MAGEC1: variants seen among roughly 807,000 people sequenced by gnomAD.
MAGEC1 encodes the protein melanoma-associated antigen C1.
In MAGEC1, 3 loss-of-function variants were observed where a neutral mutation model predicts 1.5. That is an observed-to-expected ratio of 1.97 (90% CI 0.90 to 5.10). The LOEUF is 5.10. Among genes scored for constraint, MAGEC1 ranks in the 30% most tolerant of loss-of-function variants. The pLI, the probability that MAGEC1 is intolerant of heterozygous loss-of-function variation, is 0.02. For synonymous variants in MAGEC1, 357 were observed against 310.4 expected, an observed-to-expected ratio of 1.15 and a Z score of -1.58; for missense variants, 985 against 803.1, an observed-to-expected ratio of 1.23 and a Z score of -2.74.
chrX:141,907,279 C>G lies in MAGEC1; in HGVS notation c.1875C>G (p.Leu625=), dbSNP rs752261766. 2.2e-4 allele frequency: 271 copies of G among 1,208,525 alleles called. 1 individual carries two copies. The South Asian group carries it at 4.4e-3, about 20-fold the overall frequency. The stretch of plus-strand genomic sequence containing the variant: ...AGGGGGAGGAATTCCAGTCTTCTCT[C>G]CAGAGCCCTGTGAGCATCTGCTCCT... ...PLQGEEFQSS[L]QSPVSICSSS... The change falls in exon 4 of 4, where the codon CTC becomes CTG. Residue 625 remains leucine (L), a synonymous_variant. Transcript: ENST00000285879.
In MAGEC1 at chrX:141,906,596, A is replaced by G; in HGVS notation, c.1192A>G (p.Ser398Gly). ...LFQSSPERTHSTFEGFPQSPL... is the reference protein window; with the variant it reads ...LFQSSPERTHGTFEGFPQSPL... ...CCAGAGTTCCCCTGAGAGAACTCAC[A>G]GTACTTTTGAGGGTTTTCCCCAGTC... The change falls in exon 4 of 4, where the codon AGT becomes GGT. Residue 398 changes from serine to glycine, a missense_variant. By Grantham distance (56) the Ser-to-Gly change is moderately conservative (BLOSUM62 0). Transcript: ENST00000285879. 8.4e-7 allele frequency: 1 copy of G among 1,196,894 alleles called. No individual in the cohort carries two copies. Among genetic ancestry groups the G allele is most frequent in the Non-Finnish European group, 1.1e-6 (1 of 887,414 alleles).
At position 141,906,050 on chromosome X, in the gene MAGEC1, A is replaced by G; in HGVS notation, c.646A>G (p.Ser216Gly). The stretch of plus-strand genomic sequence containing the variant: ...CTCCACTTTATTGAGTATTTTCCAG[A>G]GTTCCCCTGAGAGAACTCAGAGTAC... Reference protein sequence around the residue: ...FSSTLLSIFQSSPERTQSTFE... With the variant: ...FSSTLLSIFQGSPERTQSTFE... Residue 216 changes from serine to glycine, a missense_variant, in exon 4 of 4, where the codon AGT becomes GGT. Physicochemically the swap from Ser to Gly is moderately conservative, Grantham distance 56. Coordinates refer to ENST00000285879, the MANE Select transcript of MAGEC1 (RefSeq NM_005462.5). 8.6e-7 allele frequency: 1 copy of G among 1,165,904 alleles called. No homozygotes were observed.
chrX:141,907,961 A>T lies in MAGEC1; in HGVS notation c.2557A>T (p.Ser853Cys), dbSNP rs139093022. 4.5e-4 allele frequency: 546 copies of T among 1,209,668 alleles called. 4 individuals are homozygous for T. In the African/African-American group the frequency reaches 8.8e-3, roughly 20 times the overall value. Residue 853 changes from serine to cysteine, a missense_variant, in exon 4 of 4, where the codon AGT becomes TGT. Physicochemically the swap from Ser to Cys is moderately radical, Grantham distance 112. Transcript: ENST00000285879. The part of the protein sequence containing the change: ...SKSSPESPLQ[S>C]PVISFSSSTS... ...GAGTTCCCCTGAGAGTCCTCTCCAGAGTCCTGTGATCTCCTTCTCCTCCTC... is the reference window on the plus strand; with the variant it reads ...GAGTTCCCCTGAGAGTCCTCTCCAGTGTCCTGTGATCTCCTTCTCCTCCTC...
In MAGEC1 at chrX:141,905,409, G is replaced by A; in HGVS notation, c.5G>A (p.Gly2Glu). 1 of 1,205,060 alleles carries A rather than the reference G, an allele frequency of 8.3e-7. No homozygotes were observed. Among genetic ancestry groups the A allele is most frequent in the South Asian group, 1.8e-5 (1 of 56,181 alleles). The change falls in exon 4 of 4, where the codon GGG becomes GAG. Residue 2 changes from glycine (G) to glutamate (E), a missense_variant and splice_region_variant. By Grantham distance (98) the Gly-to-Glu change is moderately conservative (BLOSUM62 -2). Transcript: ENST00000285879. ...TCCTCTCTGCTTCTGCGTTCTCCAG[G>A]GGACAAGGATATGCCTACTGCTGGG... M[G>E]DKDMPTAGMP...
At position 141,905,859 on chromosome X, in the gene MAGEC1, AAAGT is replaced by A; in HGVS notation, c.456_459del (p.Gln152HisfsTer15). 5.8e-6 allele frequency: 7 copies of A among 1,202,317 alleles called. No individual in the cohort carries two copies. The highest frequency in any genetic ancestry group is 3.6e-5 in the South Asian group (2 of 55,922). On this transcript the variant is annotated frameshift_variant, in exon 4 of 4. Coordinates refer to ENST00000285879, the MANE Select transcript of MAGEC1 (RefSeq NM_005462.5). LOFTEE classifies it low-confidence loss of function (END_TRUNC). Reference sequence around the variant, plus strand: ...TTCCAGAGTTCCCCTGAGAGTACTCAAAGTCCTTTTGAGGGTTTTCCCCAGTCTG... The same window carrying A: ...TTCCAGAGTTCCCCTGAGAGTACTCACCTTTTGAGGGTTTTCCCCAGTCTG...
At position 141,906,399 on chromosome X, in the gene MAGEC1, G is replaced by T. The variant is rs1419123942; in HGVS notation, c.995G>T (p.Gly332Val). The change falls in exon 4 of 4, where the codon GGT becomes GTT. Residue 332 changes from glycine (G) to valine (V), a missense_variant. Gly to Val is a moderately radical substitution (Grantham distance 109). Coordinates refer to ENST00000285879, the MANE Select transcript of MAGEC1 (RefSeq NM_005462.5). The stretch of plus-strand genomic sequence containing the variant: ...GAGAGAACTCACAGTACTTTTGAGG[G>T]TTTTCCCCAGTCTCTTCTCCAGATT... ...SPERTHSTFE[G>V]FPQSLLQIPM... 1.6e-5 allele frequency: 19 copies of T among 1,189,323 alleles called. No individual in the cohort carries two copies. The highest frequency in any genetic ancestry group is 2.0e-5 in the Non-Finnish European group (18 of 878,436).
At position 141,907,856 on chromosome X, in the gene MAGEC1, CCCT is replaced by C; in HGVS notation, c.2458_2460del (p.Ser820del). The C allele has an allele frequency of 8.3e-7, 1 of 1,210,800 alleles. No individual in the cohort carries two copies. Among genetic ancestry groups the C allele is most frequent in the East Asian group, 3.0e-5 (1 of 33,751 alleles). On this transcript the variant is annotated inframe_deletion, in exon 4 of 4. Transcript: ENST00000285879. Reference sequence around the variant, plus strand: ...TCTCCAGAGTCCTGTGAGCTCCTTCCCCTCCTCCACTTCATCGAGTCTTTCCCA... The same window carrying C: ...TCTCCAGAGTCCTGTGAGCTCCTTCCCCTCCACTTCATCGAGTCTTTCCCA...
rs748035286 is a variant in MAGEC1 at position 141,908,677 on chromosome X, A to G, written c.3273A>G (p.Leu1091=). ...AAGTAGTAGAGTTTTTGGCCATGCT[A>G]AAGAATACCGTCCCTATTACCTTTC... is the stretch of plus-strand genomic sequence containing the variant. The part of the protein sequence containing the change: ...KRKVVEFLAM[L]KNTVPITFPS... The change falls in exon 4 of 4, where the codon CTA becomes CTG. Residue 1091 remains leucine, a synonymous_variant. Coordinates refer to ENST00000285879, the MANE Select transcript of MAGEC1 (RefSeq NM_005462.5). The G allele has an allele frequency of 8.3e-7, 1 of 1,211,812 alleles. No individual in the cohort carries two copies. The highest frequency in any genetic ancestry group is 2.2e-5 in the Admixed American group (1 of 46,058).
chrX:141,904,540 T>G (rs5907192), intron 1 of MAGEC1, among the ~76,000 whole-genome samples, 177 bp from the exon 2 acceptor site: 27,716 of 110,292 alleles, frequency 0.25, 3,146 homozygotes, highest in African/African-American at 0.44. Context: ...TGTGGAGTTT[T>G]CCTGAGGTTT....
chrX:141,907,227 C>T lies in MAGEC1; in HGVS notation c.1823C>T (p.Pro608Leu). ...CCTCAGGGGGAGGACTCCATGTCTC[C>T]TCTCTACTTTCCTCAGAGTCCTCTT... is the stretch of plus-strand genomic sequence containing the variant. ...SPPQGEDSMS[P>L]LYFPQSPLQG... Residue 608 changes from proline to leucine, a missense_variant, in exon 4 of 4, where the codon CCT becomes CTT. By Grantham distance (98) the Pro-to-Leu change is moderately conservative. Coordinates refer to ENST00000285879, the MANE Select transcript of MAGEC1 (RefSeq NM_005462.5). The T allele has an allele frequency of 4.1e-6, 5 of 1,211,432 alleles. No homozygotes were observed. Among genetic ancestry groups the T allele is most frequent in the East Asian group, 3.0e-5 (1 of 33,756 alleles).
Position 141,907,591 on chromosome X carries a change from T to G in MAGEC1, c.2187T>G (p.Phe729Leu). 1 of 1,200,645 alleles carries G rather than the reference T, an allele frequency of 8.3e-7. No individual in the cohort carries two copies. The highest frequency in any genetic ancestry group is 1.1e-6 in the Non-Finnish European group (1 of 890,559). ...TCTCTCCTCTCCACTTTCCTCAGTT[T>G]CCTCCTCAGGGGGAGGACTTCCAGT... is the stretch of plus-strand genomic sequence containing the variant. ...DSLSPLHFPQ[F>L]PPQGEDFQSS... The change falls in exon 4 of 4, where the codon TTT becomes TTG. Residue 729 changes from phenylalanine to leucine, a missense_variant. Coordinates refer to ENST00000285879, the MANE Select transcript of MAGEC1 (RefSeq NM_005462.5).
chrX:141,907,728 T>C lies in MAGEC1; in HGVS notation c.2324T>C (p.Leu775Pro). The C allele has an allele frequency of 8.3e-7, 1 of 1,210,574 alleles. No individual in the cohort carries two copies. The highest frequency in any genetic ancestry group is 1.1e-6 in the Non-Finnish European group (1 of 895,191). The change falls in exon 4 of 4, where the codon CTC (leucine) becomes CCC (proline). Residue 775 changes from leucine (L) to proline (P), a missense_variant. Coordinates refer to ENST00000285879, the MANE Select transcript of MAGEC1 (RefSeq NM_005462.5). ...CCTGAGGGGCCTGCTCAGTCTCCTCTCCAGAGACCTGTCAGCTCCTTCTTC... is the reference window on the plus strand; with the variant it reads ...CCTGAGGGGCCTGCTCAGTCTCCTCCCCAGAGACCTGTCAGCTCCTTCTTC... ...SPPEGPAQSP[L>P]QRPVSSFFSY... is the part of the protein sequence containing the mutation.
Position 141,906,250 on chromosome X carries a change from TCTTTTCC to T in MAGEC1, c.847_853del (p.Leu283ArgfsTer23), listed in dbSNP as rs746801122. ...CCTCCTTCTCCTCCACTTTAGTGAG[TCTTTTCC>T]AGAGTTCCCCTGAGAGAACTCAGAG... On this transcript the variant is annotated frameshift_variant, in exon 4 of 4. Coordinates refer to ENST00000285879, the MANE Select transcript of MAGEC1 (RefSeq NM_005462.5). LOFTEE classifies it low-confidence loss of function (END_TRUNC). The T allele has an allele frequency of 9.4e-5, 101 of 1,077,311 alleles. 2 individuals are homozygous for T. The highest frequency in any genetic ancestry group is 3.2e-4 in the African/African-American group (16 of 49,893). 88.8% of individuals were successfully genotyped at this position (1,077,311 alleles called of 1,213,427 possible). A position where few individuals can be genotyped will look rare whatever the true frequency, so the allele number is the denominator to read the frequency against.
Position 141,905,409 on chromosome X carries a change from G to C in MAGEC1, c.5G>C (p.Gly2Ala). The change falls in exon 4 of 4, where the codon GGG (glycine) becomes GCG (alanine). Residue 2 changes from glycine (G) to alanine (A), a missense_variant and splice_region_variant. Physicochemically the swap from Gly to Ala is moderately conservative, Grantham distance 60. Transcript: ENST00000285879. The stretch of plus-strand genomic sequence containing the variant: ...TCCTCTCTGCTTCTGCGTTCTCCAG[G>C]GGACAAGGATATGCCTACTGCTGGG... Reference protein sequence around the residue: MGDKDMPTAGMP... With the variant: MADKDMPTAGMP... 8.3e-7 allele frequency: 1 copy of C among 1,205,060 alleles called. No homozygotes were observed. The highest frequency in any genetic ancestry group is 1.7e-5 in the African/African-American group (1 of 57,576).
rs911083970 is a variant in MAGEC1, at chrX:141,906,685, T to A, written c.1281T>A (p.Ser427=). The change falls in exon 4 of 4, where the codon TCT becomes TCA. Residue 427 remains serine, a synonymous_variant. Coordinates refer to ENST00000285879, the MANE Select transcript of MAGEC1 (RefSeq NM_005462.5). ...SSTLLSILQS[S]PESAQSAFEG... ...CTTTATTGAGTATTTTACAGAGTTC[T>A]CCTGAGAGTGCTCAAAGTGCTTTTG... The A allele has an allele frequency of 3.3e-6, 4 of 1,199,876 alleles. No homozygotes were observed.
chrX:141,904,245 T>C (rs2018162607), intron 1 of MAGEC1, among the ~76,000 whole-genome samples: 1 of 111,276 alleles, frequency 9.0e-6, no homozygotes, highest in South Asian at 3.8e-4. Flanking sequence ...TCAGCCCCCA[T>C]AGAGCTCCCC....
In MAGEC1 at chrX:141,906,448, T is replaced by C. The variant is rs57133902; in HGVS notation, c.1044T>C (p.Ser348=). Reference sequence around the variant, plus strand: ...TTCCTATGACCTCCTCCTTCTCCTCTACTTTATTGAGTATTTTCCAGAGTT... The same window carrying C: ...TTCCTATGACCTCCTCCTTCTCCTCCACTTTATTGAGTATTTTCCAGAGTT... ...LQIPMTSSFS[S]TLLSIFQSSP... is the part of the protein sequence containing the mutation. Residue 348 remains serine, a synonymous_variant, in exon 4 of 4, where the codon TCT becomes TCC. Transcript: ENST00000285879. 7.2e-5 allele frequency: 86 copies of C among 1,188,365 alleles called. No individual in the cohort carries two copies. Among genetic ancestry groups the C allele is most frequent in the South Asian group, 4.2e-4 (23 of 55,317 alleles).
In MAGEC1 at chrX:141,908,876, C is replaced by T. The variant is rs770980685; in HGVS notation, c.*43C>T. On this transcript the variant is annotated 3_prime_UTR_variant, in exon 4 of 4. Coordinates refer to ENST00000285879, the MANE Select transcript of MAGEC1 (RefSeq NM_005462.5). ...TCCCTCTGAGTTTGAAGGGGGCAGT[C>T]GAGTTTCTACGTGGTGGAGGGCCTG... 20 of 1,085,114 alleles carry T rather than the reference C, an allele frequency of 1.8e-5. No homozygotes were observed. Among genetic ancestry groups the T allele is most frequent in the African/African-American group, 9.3e-5 (5 of 53,759 alleles). 89.4% of individuals were successfully genotyped at this position (1,085,114 alleles called of 1,213,427 possible).
chrX:141,908,696 A>G lies in MAGEC1; in HGVS notation c.3292A>G (p.Thr1098Ala). 1 of 1,211,602 alleles carries G rather than the reference A, an allele frequency of 8.3e-7. No individual in the cohort carries two copies. Among genetic ancestry groups the G allele is most frequent in the African/African-American group, 1.7e-5 (1 of 57,775 alleles). ...CATGCTAAAGAATACCGTCCCTATT[A>G]CCTTTCCATCCTCTTACAAGGATGC... ...LAMLKNTVPI[T>A]FPSSYKDALK... The change falls in exon 4 of 4, where the codon ACC becomes GCC. Residue 1098 changes from threonine to alanine, a missense_variant. Physicochemically the swap from Thr to Ala is moderately conservative, Grantham distance 58. Transcript: ENST00000285879.
Sources: allele counts gnomAD v4.1 joint callset (sites outside exome capture counted in the v4.1 genomes callset), GRCh38; gene constraint gnomAD v4.1.1; transcripts MANE v1.5; gene names NCBI Gene and HGNC (gene_info 2026-07-23, HGNC 2026-07-21).